TMEM229B: variants seen among roughly 807,000 people sequenced by gnomAD.
The protein encoded by TMEM229B is chromosome 14 open reading frame 83.
TMEM229B carries 6 observed loss-of-function variants against 13.7 expected under a neutral mutation model. The observed-to-expected ratio is 0.44, with a 90% confidence interval of 0.24 to 0.86. The LOEUF (loss-of-function observed/expected upper bound fraction) is 0.86, where lower values mean the gene tolerates loss of function less well. Ranked by LOEUF, TMEM229B falls within the 40% of genes least tolerant of loss-of-function variation. TMEM229B has a pLI of 0.23. For missense variants in TMEM229B, 170 were observed against 236.0 expected (o/e 0.72, Z 1.83); for synonymous variants, 107 against 102.1 (o/e 1.05, Z -0.29).
At chr14:67,487,553 A>G (rs1316687209) in intron 1 of TMEM229B, among the ~76,000 whole-genome samples, 1 of 152,204 alleles carries the variant, frequency 6.6e-6, no homozygotes, top group Non-Finnish European at 1.5e-5. Context: ...GGCGGTCAGA[A>G]CCTCATGGAA....
At chr14:67,510,103 C>T (rs1409046100) in intron 1 of TMEM229B, among the ~76,000 whole-genome samples, 1 of 152,144 alleles carries the variant, frequency 6.6e-6, no homozygotes, top group Admixed American at 6.5e-5. Flanking sequence ...TATGGGTGAT[C>T]ACTTTATCTT....
At chr14:67,480,706 A>G (rs539915513) in intron 2 of TMEM229B, among the ~76,000 whole-genome samples, 1 of 152,276 alleles carries the variant, frequency 6.6e-6, no homozygotes, top group Non-Finnish European at 1.5e-5. Context: ...GGCTGAGGGA[A>G]CAGGAACCTC....
chr14:67,484,768 A>G (rs1025638335), intron 2 of TMEM229B, among the ~76,000 whole-genome samples: 7 of 152,176 alleles, frequency 4.6e-5, no homozygotes, highest in African/African-American at 1.7e-4. Flanking sequence ...TAATAAAGAA[A>G]AAAAAAGAAA....
In TMEM229B at chr14:67,473,231, A is replaced by T; in HGVS notation, c.*189T>A. ...TGTCCCTCTGCTGCCTCCACACCCC[A>T]TCCCCCAACACCTGACCACGGCCCC... On this transcript the variant is annotated 3_prime_UTR_variant, in exon 3 of 3. Transcript: ENST00000554480. This position sits in a 1 kb window ranked among gnomAD's most constrained non-coding sequence, Gnocchi z 6.5. 1.4e-6 allele frequency: 1 copy of T among 725,484 alleles called. No homozygotes were observed. The highest frequency in any genetic ancestry group is 2.2e-6 in the Non-Finnish European group (1 of 452,996). 44.9% of individuals were successfully genotyped at this position (725,484 alleles called of 1,614,324 possible).
At chr14:67,481,388 T>TAGTA (rs1416308452) in intron 2 of TMEM229B, among the ~76,000 whole-genome samples, 1 of 151,666 alleles carries the variant, frequency 6.6e-6, no homozygotes. Flanking sequence ...AAGCCATGGG[T>TAGTA]AGTAGATGGA....
At chr14:67,516,203 G>A (rs1037741594), upstream of TMEM229B, among the ~76,000 whole-genome samples, 8 of 152,150 alleles carry the variant, frequency 5.3e-5, no homozygotes, top group African/African-American at 1.4e-4. Flanking sequence ...CCATTCGCAC[G>A]CCAAGCCTAG....
At chr14:67,506,781 C>T (rs1409811421) in intron 1 of TMEM229B, among the ~76,000 whole-genome samples, 3 of 152,100 alleles carry the variant, frequency 2.0e-5, no homozygotes, top group Non-Finnish European at 4.4e-5. Context: ...GTAAAGAGAT[C>T]GAGACCATCC....
At chr14:67,506,181 T>G (rs556362042) in intron 1 of TMEM229B, among the ~76,000 whole-genome samples, 20 of 152,312 alleles carry the variant, frequency 1.3e-4, no homozygotes, top group African/African-American at 4.8e-4. Context: ...TATTTTTATT[T>G]TATTTTATTT....
intron 1 of TMEM229B, among the ~76,000 whole-genome samples, chr14:67,504,677 G>A (rs571056513): frequency 6.6e-6 from 1 of 152,270 alleles, no homozygotes; most frequent in South Asian, 2.1e-4. Flanking sequence ...ACGAGGTCAG[G>A]AGTTCAAGAC....
At chr14:67,521,454 C>A (rs1174839220) in intron 1 of TMEM229B, among the ~76,000 whole-genome samples, 2 of 152,110 alleles carry the variant, frequency 1.3e-5, no homozygotes, top group African/African-American at 4.8e-5. Context: ...ATTTTGGTAT[C>A]CATATGTCCA....
intron 1 of TMEM229B, among the ~76,000 whole-genome samples, chr14:67,506,977 C>T (rs1332277842): frequency 2.0e-5 from 3 of 151,816 alleles, no homozygotes; most frequent in African/African-American, 7.3e-5. Flanking sequence ...GGCCAGATTC[C>T]ATCTAAAAAC....
At position 67,496,399 on chromosome 14, in the gene TMEM229B, T is replaced by TTTTTTTG. The variant is rs1555360266; in HGVS notation, c.-191-9228_-191-9227insCAAAAAA. 9.0e-4 allele frequency among the ~76,000 whole-genome samples: 110 copies of TTTTTTTG among 122,096 alleles called. 6 individuals carry two copies. The highest frequency in any genetic ancestry group is 5.7e-3 in the South Asian group (17 of 3,008). The allele number at this position is 122,096 out of a possible 152,430, so 80.1% of individuals were successfully genotyped here. A position where few individuals can be genotyped will look rare whatever the true frequency, so the allele number is the denominator to read the frequency against. On this transcript the variant is annotated intron_variant, in intron 1 of 2. Transcript: ENST00000357461. ...TGAGCCACTGCTCCGGCGTTTTTTT[T>TTTTTTTG]TTTTTTTTTTTTTTTTTTTTTTGAG...
chr14:67,486,910 G>C (rs1163760849), intron 2 of TMEM229B, 90 bp downstream of exon 2: 1 of 152,142 alleles, frequency 6.6e-6, no homozygotes, highest in East Asian at 1.9e-4. Context: ...CTCAGAACTA[G>C]AACCTCCAGA....
chr14:67,519,086 T>C (rs2033251394), upstream of TMEM229B, among the ~76,000 whole-genome samples: 1 of 152,086 alleles, frequency 6.6e-6, no homozygotes, highest in Admixed American at 6.5e-5. Flanking sequence ...ATGGTCTTGG[T>C]GAGAAGAGGT....
At chr14:67,531,653 C>T (rs1222398482) in intron 1 of TMEM229B, among the ~76,000 whole-genome samples, 3 of 151,040 alleles carry the variant, frequency 2.0e-5, no homozygotes, top group South Asian at 4.2e-4. Context: ...GGTGGCTCAT[C>T]CCTGTAATCC....
chr14:67,476,459 C>T (rs2031204531), intron 2 of TMEM229B, among the ~76,000 whole-genome samples: 1 of 151,950 alleles, frequency 6.6e-6, no homozygotes, highest in Non-Finnish European at 1.5e-5. Context: ...TGGTGGCATG[C>T]ACCTGTAGTC....
At chr14:67,486,760 C>T (rs930292602) in intron 2 of TMEM229B, among the ~76,000 whole-genome samples, 3 of 152,112 alleles carry the variant, frequency 2.0e-5, no homozygotes, top group African/African-American at 7.2e-5. Context: ...ATCAGCAGCA[C>T]GAAAACAAAC....
chr14:67,489,658 G>A (rs2032074622), upstream of TMEM229B, among the ~76,000 whole-genome samples: 1 of 152,152 alleles, frequency 6.6e-6, no homozygotes, highest in Non-Finnish European at 1.5e-5. Flanking sequence ...AGGGGGATCT[G>A]ACCATCCTTC....
At chr14:67,492,626 A>G (rs1197834974), upstream of TMEM229B, among the ~76,000 whole-genome samples, 2 of 152,350 alleles carry the variant, frequency 1.3e-5, no homozygotes, top group East Asian at 3.9e-4. Flanking sequence ...GAAGCCCAGC[A>G]GGGCTTTCAG....
Sources: allele counts gnomAD v4.1 joint callset (sites outside exome capture counted in the v4.1 genomes callset), GRCh38; gene constraint gnomAD v4.1.1; non-coding constraint Gnocchi (gnomAD v3.1); transcripts MANE v1.5; gene names NCBI Gene and HGNC (gene_info 2026-07-23, HGNC 2026-07-21).